The following HCN2 variants were observed in gnomAD, a reference collection of about 807,000 sequenced individuals.
HCN2 encodes hyperpolarization activated cyclic nucleotide gated potassium and sodium channel 2.
In HCN2, 20 loss-of-function variants were observed where a neutral mutation model predicts 52.3. The ratio of observed to expected loss-of-function variants is 0.38; its 90% CI spans 0.27 to 0.56. The LOEUF is 0.56. HCN2 is among the 20% of genes least tolerant of loss of function. The pLI is 0.71. For synonymous variants in HCN2, 694 were observed against 537.0 expected (o/e 1.29, Z -4.04); for missense variants, 981 against 1,207.7 (o/e 0.81, Z 2.78).
chr19:610,471 C>T, intron 5 of HCN2, 66 bp downstream of exon 5: 2 of 1,453,254 alleles, frequency 1.4e-6, no homozygotes, highest in Middle Eastern at 2.3e-4. Context: ...TCTCCTGGAG[C>T]CCAGGAGCCG....
Position 590,257 on chromosome 19 carries a change from C to G in HCN2, c.312C>G (p.Arg104=). Residue 104 remains arginine (R), a synonymous_variant, in exon 1 of 8, where the codon CGC becomes CGG. Coordinates refer to ENST00000251287, the MANE Select transcript of HCN2 (RefSeq NM_001194.4). This position sits in a 1 kb window ranked among gnomAD's most constrained non-coding sequence, Gnocchi z 7.2. ...AKGSPNGECG[R]GEPQCSPAGP... is the part of the protein sequence containing the mutation. ...GCAGCCCGAACGGCGAGTGCGGGCG[C>G]GGCGAGCCGCAGTGCAGCCCCGCGG... is the stretch of plus-strand genomic sequence containing the variant. The G allele has an allele frequency of 1.0e-6, 1 of 989,022 alleles. No homozygotes were observed. The highest frequency in any genetic ancestry group is 1.2e-6 in the Non-Finnish European group (1 of 834,162). The allele number at this position is 989,022 out of a possible 1,614,324, so 61.3% of individuals were successfully genotyped here.
chr19:590,610 G>A lies in HCN2; in HGVS notation c.632+33G>A. The stretch of plus-strand genomic sequence containing the variant: ...CTCCGGGAGGGCCGGTCGGCGCGAG[G>A]GGGCCCGGGGAGCCGGGCGCGCGGG... On this transcript the variant is annotated intron_variant, in intron 1 of 7. Transcript: ENST00000251287. The surrounding 1 kb of genome is among the most constrained non-coding windows in gnomAD (Gnocchi z 7.2). 7.5e-7 allele frequency: 1 copy of A among 1,328,562 alleles called. No homozygotes were observed. The highest frequency in any genetic ancestry group is 9.7e-7 in the Non-Finnish European group (1 of 1,027,066). The allele number at this position is 1,328,562 out of a possible 1,614,324, so 82.3% of individuals were successfully genotyped here.
At chr19:594,655 C>T (rs907528453) in intron 1 of HCN2, among the ~76,000 whole-genome samples, 1 of 152,158 alleles carries the variant, frequency 6.6e-6, no homozygotes, top group Non-Finnish European at 1.5e-5. Flanking sequence ...AGTGATGAAT[C>T]CCAGCATTAG....
intron 5 of HCN2, among the ~76,000 whole-genome samples, chr19:611,222 A>T (rs775903720): frequency 2.0e-5 from 3 of 152,216 alleles, no homozygotes; most frequent in Non-Finnish European, 2.9e-5. Flanking sequence ...AACCCACAAC[A>T]CACATCAAAC....
At chr19:609,871 G>A (rs768187223) in intron 4 of HCN2, among the ~76,000 whole-genome samples, 10 of 152,218 alleles carry the variant, frequency 6.6e-5, no homozygotes, top group Non-Finnish European at 1.5e-4. Context: ...CTGCACTCCA[G>A]CGTGGGCCAC....
At chr19:599,657 G>A (rs988414406) in intron 1 of HCN2, among the ~76,000 whole-genome samples, 5 of 151,968 alleles carry the variant, frequency 3.3e-5, no homozygotes, top group East Asian at 1.9e-4. Context: ...GCGTGGTGGC[G>A]GGCGCCTATA....
intron 4 of HCN2, among the ~76,000 whole-genome samples, chr19:609,841 A>C (rs1423662314): frequency 1.3e-5 from 2 of 152,224 alleles, no homozygotes; most frequent in East Asian, 3.8e-4. Context: ...CGGAGGCTGC[A>C]GTGAGCTGTG....
At chr19:601,492 C>T (rs1421532616) in intron 1 of HCN2, among the ~76,000 whole-genome samples, 1 of 152,046 alleles carries the variant, frequency 6.6e-6, no homozygotes, top group African/African-American at 2.4e-5. Context: ...TGCCTTTTTG[C>T]TACTGTGGAT....
At chr19:611,946 G>A (rs1047575033) in intron 5 of HCN2, among the ~76,000 whole-genome samples, 1 of 152,160 alleles carries the variant, frequency 6.6e-6, no homozygotes, top group Non-Finnish European at 1.5e-5. Context: ...AGGAGTTCGA[G>A]ACCAGCCTGG....
chr19:609,737 CA>C (rs931022800), intron 4 of HCN2, among the ~76,000 whole-genome samples: 3 of 152,052 alleles, frequency 2.0e-5, no homozygotes, highest in Non-Finnish European at 2.9e-5. Context: ...CTCATCTCCA[CA>C]AAAAATAAAA....
At chr19:606,192 C>G (rs1390013315) in intron 3 of HCN2, among the ~76,000 whole-genome samples, 2 of 152,152 alleles carry the variant, frequency 1.3e-5, no homozygotes, top group African/African-American at 2.4e-5. Flanking sequence ...CCCCACCTCC[C>G]AGGGTTCAAG....
At chr19:609,626 C>T (rs1983539006) in intron 4 of HCN2, among the ~76,000 whole-genome samples, 2 of 152,222 alleles carry the variant, frequency 1.3e-5, no homozygotes, top group South Asian at 4.1e-4. Context: ...ATTAGCAGGG[C>T]AGGGTGGTGC....
At chr19:611,372 G>T (rs141453069) in intron 5 of HCN2, among the ~76,000 whole-genome samples, 1,927 of 152,318 alleles carry the variant, frequency 0.013, 37 homozygotes, top group African/African-American at 0.044. Flanking sequence ...GGACGGGGAG[G>T]CGACATCAGC....
intron 1 of HCN2, among the ~76,000 whole-genome samples, chr19:597,084 G>A (rs1449323670): frequency 1.3e-5 from 2 of 152,204 alleles, no homozygotes; most frequent in African/African-American, 4.8e-5. Context: ...GAGGCATTGT[G>A]GTTGGAACGG....
intron 1 of HCN2, among the ~76,000 whole-genome samples, chr19:595,350 C>G (rs951155573): frequency 6.6e-6 from 1 of 151,810 alleles, no homozygotes; most frequent in Non-Finnish European, 1.5e-5. Flanking sequence ...CAGATGCCTC[C>G]CCGTCCCCCT....
At position 613,468 on chromosome 19, in the gene HCN2, C is replaced by T. The variant is rs1476109971; in HGVS notation, c.1805C>T (p.Ser602Phe). 15 of 1,606,122 alleles carry T rather than the reference C, an allele frequency of 9.3e-6. No individual in the cohort carries two copies. The highest frequency in any genetic ancestry group is 1.3e-5 in the Non-Finnish European group (15 of 1,176,634). The change falls in exon 6 of 8, where the codon TCC becomes TTC. Residue 602 changes from serine (S) to phenylalanine (F), a missense_variant. Physicochemically the swap from Ser to Phe is radical, Grantham distance 155 (BLOSUM62 -2). Transcript: ENST00000251287. ...LTKGNKEMKL[S>F]DGSYFGEICL... ...AAGGGCAACAAGGAGATGAAGCTGT[C>T]CGATGGCTCCTACTTCGGGGGTGAG...
chr19:597,643 C>T (rs562496975), intron 1 of HCN2, among the ~76,000 whole-genome samples: 1 of 150,292 alleles, frequency 6.7e-6, no homozygotes, highest in South Asian at 2.1e-4. Flanking sequence ...CTCGTGGTTT[C>T]TAGGTCTCCT....
At position 603,708 on chromosome 19, in the gene HCN2, G is replaced by A; in HGVS notation, c.797G>A (p.Gly266Asp). 6.2e-7 allele frequency: 1 copy of A among 1,612,808 alleles called. No homozygotes were observed. The highest frequency in any genetic ancestry group is 8.5e-7 in the Non-Finnish European group (1 of 1,179,748). ...GACCTGGTGTTGAACTTCCGCACCG[G>A]CATTGTGATCGAGGACAACACGGAG... Reference protein sequence around the residue: ...LMDLVLNFRTGIVIEDNTEII... With the variant: ...LMDLVLNFRTDIVIEDNTEII... The change falls in exon 2 of 8, where the codon GGC becomes GAC. Residue 266 changes from glycine to aspartate, a missense_variant. Physicochemically the swap from Gly to Asp is moderately conservative, Grantham distance 94. This residue lies in a region of HCN2 where 282 missense variants were observed against 553.8 expected (regional missense o/e 0.51). Transcript: ENST00000251287.
At chr19:611,125 T>C (rs1311006759) in intron 5 of HCN2, among the ~76,000 whole-genome samples, 1 of 152,232 alleles carries the variant, frequency 6.6e-6, no homozygotes, top group East Asian at 1.9e-4. Flanking sequence ...CTGGGCCATG[T>C]CTGCAGAGAC....
Sources: gnomAD v4.1 joint callset for allele counts (sites outside exome capture counted in the v4.1 genomes callset) on GRCh38, gnomAD v4.1.1 for gene constraint, gnomAD v4.1.1 regional missense constraint, Gnocchi (gnomAD v3.1) non-coding constraint, MANE v1.5 for transcripts, NCBI Gene and HGNC (gene_info 2026-07-23, HGNC 2026-07-21) for gene names.